The following IPMK variants were observed in gnomAD, a reference collection of about 807,000 sequenced individuals.
IPMK encodes inositol polyphosphate multikinase.
IPMK carries 17 observed loss-of-function variants against 45.8 expected under a neutral mutation model. The observed-to-expected ratio is 0.37, with a 90% CI of 0.25 to 0.56. The LOEUF (loss-of-function observed/expected upper bound fraction) is 0.56, where lower values mean the gene tolerates loss of function less well. IPMK is among the 20% of genes least tolerant of loss of function. The pLI, the probability that IPMK is intolerant of heterozygous loss-of-function variation, is 0.79. For synonymous variants in IPMK, 180 were observed against 184.3 expected (o/e 0.98, Z 0.19); for missense variants, 399 against 498.0 (o/e 0.80, Z 1.89).
intron 1 of IPMK, among the ~76,000 whole-genome samples, chr10:58,245,799 G>A (rs1838790677): frequency 6.7e-6 from 1 of 148,876 alleles, no homozygotes. Context: ...GAAAGTTCTG[G>A]CCAGGGCAAT....
chr10:58,253,544 C>T (rs1448514053), intron 1 of IPMK, among the ~76,000 whole-genome samples: 4 of 151,892 alleles, frequency 2.6e-5, no homozygotes, highest in African/African-American at 9.7e-5. Context: ...TCGAGACCAG[C>T]CTGGGCAACA....
chr10:58,262,045 A>C (rs1274416669), intron 1 of IPMK, among the ~76,000 whole-genome samples: 1 of 152,110 alleles, frequency 6.6e-6, no homozygotes, highest in Non-Finnish European at 1.5e-5. Context: ...CTGAACAACG[A>C]GAACACTTGG....
chr10:58,245,450 G>A (rs11006090), intron 1 of IPMK, among the ~76,000 whole-genome samples: 50,701 of 151,362 alleles, frequency 0.33, 10,773 homozygotes, highest in African/African-American at 0.6. Flanking sequence ...CGTCTCTACT[G>A]AAAGCACAAA....
At chr10:58,204,616 A>G (rs1838046121) in intron 4 of IPMK, among the ~76,000 whole-genome samples, 1 of 152,164 alleles carries the variant, frequency 6.6e-6, no homozygotes, top group South Asian at 2.1e-4. Context: ...AAACAAAGTG[A>G]GACACAGTCT....
intron 4 of IPMK, among the ~76,000 whole-genome samples, chr10:58,203,544 G>A (rs928951436): frequency 4.1e-5 from 5 of 121,708 alleles, no homozygotes; most frequent in Non-Finnish European, 1.0e-4. Flanking sequence ...TCAAACTCCT[G>A]AGCTCAAGCG....
In IPMK at chr10:58,267,449, C is replaced by A; in HGVS notation, c.163G>T (p.Gly55Trp). The A allele has an allele frequency of 6.2e-7, 1 of 1,613,852 alleles. No homozygotes were observed. Among genetic ancestry groups the A allele is most frequent in the Non-Finnish European group, 8.5e-7 (1 of 1,179,868 alleles). Residue 55 changes from glycine (G) to tryptophan (W), a missense_variant, in exon 1 of 6, where the codon GGG becomes TGG. By Grantham distance (184) the Gly-to-Trp change is radical (BLOSUM62 -2). This residue lies in a region of IPMK where 111 missense variants were observed against 99.9 expected (regional missense o/e 1.11). Transcript: ENST00000373935. The part of the protein sequence containing the change: ...GCVPLSHQVA[G>W]HMYGKDKVGI... ...ACTTTGTCCTTCCCGTACATGTGCCCGGCCACCTGATGCGAGAGGGGCACG... is the reference window on the plus strand; with the variant it reads ...ACTTTGTCCTTCCCGTACATGTGCCAGGCCACCTGATGCGAGAGGGGCACG...
intron 3 of IPMK, among the ~76,000 whole-genome samples, chr10:58,225,091 C>T (rs1392323125): frequency 1.3e-5 from 2 of 152,156 alleles, no homozygotes; most frequent in African/African-American, 2.4e-5. Context: ...ACTCTGTTAT[C>T]ATATACACTT....
chr10:58,246,343 C>G (rs1208954318), intron 1 of IPMK, among the ~76,000 whole-genome samples: 1 of 147,028 alleles, frequency 6.8e-6, no homozygotes, highest in Non-Finnish European at 1.5e-5. Context: ...TCCGCATCGC[C>G]AAGTCAATCC....
At chr10:58,231,577 A>T (rs1200219790) in intron 2 of IPMK, among the ~76,000 whole-genome samples, 1 of 152,194 alleles carries the variant, frequency 6.6e-6, no homozygotes, top group Admixed American at 6.5e-5. Context: ...CAGCCAAACT[A>T]AGCTTCGTAA....
intron 4 of IPMK, among the ~76,000 whole-genome samples, chr10:58,211,919 A>AAAAAAAAAAAAAAAAAT (rs967150743): frequency 6.7e-6 from 1 of 148,188 alleles, no homozygotes; most frequent in African/African-American, 2.6e-5. Flanking sequence ...AAAAAAAAAA[A>AAAAAAAAAAAAAAAAAT]AAAAAATTTG....
intron 2 of IPMK, among the ~76,000 whole-genome samples, chr10:58,229,903 T>C (rs941106496): frequency 6.6e-6 from 1 of 152,174 alleles, no homozygotes; most frequent in Non-Finnish European, 1.5e-5. Context: ...TTCCCTTTCC[T>C]AGCCAAGGGA....
In IPMK at chr10:58,196,599, T is replaced by C. The variant is rs1208721561; in HGVS notation, c.728A>G (p.Gln243Arg). ...IEKILQWFEN[Q>R]KQLNFYASSL... ...ACTTGCGTAAAAATTAAGCTGCTTC[T>C]GGTTTTCAAACCACTGCAGAATTTT... is the stretch of plus-strand genomic sequence containing the variant. The change falls in exon 6 of 6, where the codon CAG (glutamine) becomes CGG (arginine). Residue 243 changes from glutamine to arginine, a missense_variant. Physicochemically the swap from Gln to Arg is conservative, Grantham distance 43 (BLOSUM62 1). This residue lies in a region of IPMK where 288 missense variants were observed against 398.0 expected (regional missense o/e 0.72). Coordinates refer to ENST00000373935, the MANE Select transcript of IPMK (RefSeq NM_152230.5). 1.2e-6 allele frequency: 2 copies of C among 1,614,144 alleles called. No homozygotes were observed.
chr10:58,248,418 T>G (rs1240004346), intron 1 of IPMK, among the ~76,000 whole-genome samples: 2 of 146,906 alleles, frequency 1.4e-5, no homozygotes, highest in African/African-American at 5.5e-5. Flanking sequence ...ATTTTCTAAA[T>G]TTTTTTGATA....
In IPMK at chr10:58,194,234, A is replaced by T. The variant is rs1837859407; in HGVS notation, c.*1842T>A. 1 of 151,834 alleles carries T rather than the reference A, an allele frequency of 6.6e-6. No individual in the cohort carries two copies. The allele number at this position is 151,834 out of a possible 1,614,324, so 9.4% of individuals were successfully genotyped here. A position where few individuals can be genotyped will look rare whatever the true frequency, so the allele number is the denominator to read the frequency against. On this transcript the variant is annotated 3_prime_UTR_variant, in exon 6 of 6. Coordinates refer to ENST00000373935, the MANE Select transcript of IPMK (RefSeq NM_152230.5). ...CTTGTTAAGATTCAAAATAGTGTTT[A>T]ATTATCTGAGCTTAAGATTTATTGA...
At chr10:58,211,901 C>CAAAAAAAAAAAAAAAAAAAAAAAAAAAAA (rs753050298) in intron 4 of IPMK, among the ~76,000 whole-genome samples, 27 of 50,360 alleles carry the variant, frequency 5.4e-4, no homozygotes, top group East Asian at 5.4e-3. Context: ...GACATCTCAC[C>CAAAAAAAAAAAAAAAAAAAAAAAAAAAAA]AAAAAAAAAA....
rs371361122 is a variant in IPMK at position 58,267,583 on chromosome 10, C to T, written c.29G>A (p.Arg10Gln). The T allele has an allele frequency of 5.0e-6, 8 of 1,605,144 alleles. No homozygotes were observed. In the African/African-American group the frequency reaches 8.0e-5, roughly 16 times the overall value. The part of the protein sequence containing the change: MATEPPSPL[R>Q]VEAPGPPEMR... ...TTCTGGGGGGCCCGGCGCCTCGACC[C>T]GGAGGGGGGATGGTGGCTCTGTTGC... The change falls in exon 1 of 6, where the codon CGG becomes CAG. Residue 10 changes from arginine to glutamine, a missense_variant. By Grantham distance (43) the Arg-to-Gln change is conservative. Transcript: ENST00000373935.
intron 1 of IPMK, among the ~76,000 whole-genome samples, chr10:58,248,257 C>T (rs1013277470): frequency 6.6e-6 from 1 of 151,696 alleles, no homozygotes; most frequent in Non-Finnish European, 1.5e-5. Flanking sequence ...ATCTGTTGCA[C>T]ATCAATGTGC....
In IPMK at chr10:58,227,029, T is replaced by C. The variant is rs762332070; in HGVS notation, c.373+14A>G. On this transcript the variant is annotated intron_variant, in intron 3 of 5. Coordinates refer to ENST00000373935, the MANE Select transcript of IPMK (RefSeq NM_152230.5). ...TGAATTAAAACTGAAAGATAATTTT[T>C]ATGACAAGATTACCGTTTGGTGCAG... 3 of 1,563,312 alleles carry C rather than the reference T, an allele frequency of 1.9e-6. No homozygotes were observed. The East Asian group carries it at 6.7e-5, about 35-fold the overall frequency.
At position 58,246,851 on chromosome 10, in the gene IPMK, A is replaced by T. The variant is rs1215813483; in HGVS notation, c.191-9037T>A. On this transcript the variant is annotated intron_variant, in intron 1 of 5. Coordinates refer to ENST00000373935, the MANE Select transcript of IPMK (RefSeq NM_152230.5). ...CTTCTGCACAGCAAAAGACACTACC[A>T]TCAGAGTGAACAAGCAACCTACAAA... Among the ~76,000 whole-genome samples the T allele has an allele frequency of 2.0e-5, 3 of 151,690 alleles. No homozygotes were observed. The East Asian group carries it at 5.8e-4, about 29-fold the overall frequency.
Sources: gnomAD v4.1 joint callset for allele counts (sites outside exome capture counted in the v4.1 genomes callset) on GRCh38, gnomAD v4.1.1 for gene constraint, gnomAD v4.1.1 regional missense constraint, MANE v1.5 for transcripts, NCBI Gene and HGNC (gene_info 2026-07-23, HGNC 2026-07-21) for gene names.